The following MACROD2 variants were observed in gnomAD, a reference collection of about 807,000 sequenced individuals.
MACROD2 encodes ADP-ribose glycohydrolase MACROD2.
MACROD2 carries 36 observed loss-of-function variants against 70.4 expected under a neutral mutation model. The observed-to-expected ratio is 0.51, with a 90% CI of 0.39 to 0.68. The LOEUF is 0.68. Ranked by LOEUF, MACROD2 falls within the 30% of genes least tolerant of loss-of-function variation. MACROD2 has a pLI of 0.00. For missense variants in MACROD2, 496 were observed against 538.4 expected (o/e 0.92, Z 0.78); for synonymous variants, 172 against 178.8 (o/e 0.96, Z 0.30).
chr20:15,215,250 TTTTGTG>T (rs1191983305), intron 5 of MACROD2, among the ~76,000 whole-genome samples: 1 of 136,034 alleles, frequency 7.4e-6, no homozygotes, highest in Non-Finnish European at 1.6e-5. Flanking sequence ...TTCTCCTGTA[TTTTGTG>T]TGTGTGTGTG....
At chr20:14,731,868 T>C (rs568461978) in intron 5 of MACROD2, among the ~76,000 whole-genome samples, 1 of 152,274 alleles carries the variant, frequency 6.6e-6, no homozygotes, top group East Asian at 1.9e-4. Flanking sequence ...ATTAAAGATA[T>C]TTGCAAAGAT....
chr20:14,384,201 C>G (rs1291510940), intron 3 of MACROD2, among the ~76,000 whole-genome samples: 2 of 152,052 alleles, frequency 1.3e-5, no homozygotes, highest in African/African-American at 4.8e-5. Flanking sequence ...GATTCAAATT[C>G]ATAAAACCTG....
intron 8 of MACROD2, among the ~76,000 whole-genome samples, chr20:15,580,077 A>T (rs2048503094): frequency 6.6e-6 from 1 of 152,176 alleles, no homozygotes; most frequent in Non-Finnish European, 1.5e-5. Flanking sequence ...AATCAAAAGT[A>T]CTTTTCTGGT....
intron 4 of MACROD2, among the ~76,000 whole-genome samples, chr20:14,669,034 G>A (rs544186870): frequency 6.6e-6 from 1 of 152,204 alleles, no homozygotes; most frequent in Admixed American, 6.5e-5. Flanking sequence ...TAATTGTATT[G>A]CTTGACAAAG....
chr20:14,941,949 A>AT (rs11479452), intron 5 of MACROD2, among the ~76,000 whole-genome samples: 8,785 of 139,452 alleles, frequency 0.063, 262 homozygotes, highest in African/African-American at 0.069. Flanking sequence ...ATGCCCGGCT[A>AT]TTTTTTTTTT....
intron 3 of MACROD2, among the ~76,000 whole-genome samples, chr20:14,138,755 T>A (rs2054831928): frequency 7.0e-6 from 1 of 143,860 alleles, no homozygotes; most frequent in Admixed American, 7.1e-5. Flanking sequence ...GAATAGATCT[T>A]AAGTTTTCCA....
chr20:14,768,982 C>T (rs920725395), intron 5 of MACROD2, among the ~76,000 whole-genome samples: 1 of 151,998 alleles, frequency 6.6e-6, no homozygotes, highest in South Asian at 2.1e-4. Flanking sequence ...TTGATTGAGA[C>T]CAGGAGACAG....
intron 10 of MACROD2, chr20:15,894,111 G>A (rs1309867207): frequency 5.2e-5 from 19 of 365,714 alleles, no homozygotes; most frequent in South Asian, 3.3e-4. Flanking sequence ...GCTGGGTGCT[G>A]TCAGCTTACT....
chr20:14,583,583 C>G (rs1981183828), intron 4 of MACROD2, among the ~76,000 whole-genome samples: 1 of 152,144 alleles, frequency 6.6e-6, no homozygotes, highest in Non-Finnish European at 1.5e-5. Context: ...GCTCTGATTT[C>G]AGAGGAACAC....
At chr20:15,464,690 G>T (rs1168844073) in intron 7 of MACROD2, among the ~76,000 whole-genome samples, 1 of 152,166 alleles carries the variant, frequency 6.6e-6, no homozygotes, top group Non-Finnish European at 1.5e-5. Flanking sequence ...TTATGTACCT[G>T]TTCAGATGGT....
intron 4 of MACROD2, among the ~76,000 whole-genome samples, chr20:14,607,545 G>A (rs180905186): frequency 6.6e-6 from 1 of 152,264 alleles, no homozygotes; most frequent in East Asian, 1.9e-4. Flanking sequence ...CAAAGCACCT[G>A]CAGCCTCCTC....
chr20:15,538,354 C>A (rs953317875), intron 8 of MACROD2, among the ~76,000 whole-genome samples: 1 of 152,098 alleles, frequency 6.6e-6, no homozygotes, highest in Admixed American at 6.5e-5. Context: ...ACCCACTAAA[C>A]AATTTGAGAT....
intron 8 of MACROD2, among the ~76,000 whole-genome samples, chr20:15,793,282 G>A (rs558028112): frequency 2.1e-4 from 32 of 152,240 alleles, no homozygotes; most frequent in Admixed American, 5.2e-4. Flanking sequence ...CCACCGTAGA[G>A]ACTCTGATTC....
At chr20:15,093,127 C>T (rs2075804266) in intron 5 of MACROD2, among the ~76,000 whole-genome samples, 2 of 152,096 alleles carry the variant, frequency 1.3e-5, no homozygotes, top group South Asian at 4.1e-4. Context: ...TTTGTAAAAA[C>T]AAAAGCGAAA....
intron 8 of MACROD2, among the ~76,000 whole-genome samples, chr20:15,639,330 C>A (rs1488171438): frequency 6.6e-6 from 1 of 152,168 alleles, no homozygotes; most frequent in African/African-American, 2.4e-5. Context: ...CTGCTCACGA[C>A]CTGCATCGCT....
intron 8 of MACROD2, among the ~76,000 whole-genome samples, chr20:15,695,204 C>T (rs889531581): frequency 6.6e-6 from 1 of 152,032 alleles, no homozygotes; most frequent in Non-Finnish European, 1.5e-5. Flanking sequence ...TATGCAGGCT[C>T]ATTTTTGGTT....
At chr20:15,815,064 A>C (rs1205182950) in intron 8 of MACROD2, among the ~76,000 whole-genome samples, 1 of 152,196 alleles carries the variant, frequency 6.6e-6, no homozygotes, top group African/African-American at 2.4e-5. Context: ...ATCTGGGAAT[A>C]ATTTATCATA....
intron 5 of MACROD2, among the ~76,000 whole-genome samples, chr20:14,914,740 T>C (rs2074070213): frequency 6.6e-6 from 1 of 152,232 alleles, no homozygotes; most frequent in Non-Finnish European, 1.5e-5. Context: ...TTTAAAAATA[T>C]AGCTTCTCTT....
At chr20:14,288,567 C>T (rs1365962638) in intron 3 of MACROD2, among the ~76,000 whole-genome samples, 1 of 152,178 alleles carries the variant, frequency 6.6e-6, no homozygotes, top group Non-Finnish European at 1.5e-5. Context: ...GAGCTGGTCT[C>T]TTCAGCCCAG....
Sources: allele counts gnomAD v4.1 joint callset (sites outside exome capture counted in the v4.1 genomes callset), GRCh38; gene constraint gnomAD v4.1.1; transcripts MANE v1.5; gene names NCBI Gene and HGNC (gene_info 2026-07-23, HGNC 2026-07-21).